CLASP1: variants seen among roughly 807,000 people sequenced by gnomAD.
CLASP1 encodes cytoplasmic linker associated protein 1.
Under a neutral mutation model 192.3 loss-of-function variants are expected in CLASP1, and 38 were observed. That is an observed-to-expected ratio of 0.20 (90% CI 0.15 to 0.26). CLASP1 has a LOEUF of 0.26. Ranked by LOEUF, CLASP1 falls within the 10% of genes least tolerant of loss-of-function variation. The pLI is 1.00. For synonymous variants in CLASP1, 691 were observed against 712.8 expected (o/e 0.97, Z 0.49); for missense variants, 1,433 against 1,932.5 (o/e 0.74, Z 4.85).
At chr2:121,457,107 G>A (rs1401707818) in intron 14 of CLASP1, among the ~76,000 whole-genome samples, 1 of 152,132 alleles carries the variant, frequency 6.6e-6, no homozygotes, top group African/African-American at 2.4e-5. Context: ...ATATAAGATA[G>A]GGACTTGGGA....
intron 34 of CLASP1, among the ~76,000 whole-genome samples, chr2:121,372,259 G>C (rs556141496): frequency 7.2e-5 from 11 of 152,254 alleles, no homozygotes; most frequent in African/African-American, 2.6e-4. Flanking sequence ...TGTCCTTCCT[G>C]AAATAGTCTC....
At chr2:121,525,671 T>C (rs1334911613) in intron 6 of CLASP1, among the ~76,000 whole-genome samples, 174 bp downstream of exon 6, 1 of 152,202 alleles carries the variant, frequency 6.6e-6, no homozygotes, top group Non-Finnish European at 1.5e-5. Context: ...AAACTTATTT[T>C]ATACATTTGA....
chr2:121,598,361 T>A (rs1456407339), intron 2 of CLASP1, among the ~76,000 whole-genome samples: 1 of 152,204 alleles, frequency 6.6e-6, no homozygotes, highest in Non-Finnish European at 1.5e-5. Flanking sequence ...AGAGGCAAGT[T>A]TTTCTGAAAT....
At chr2:121,417,027 G>A (rs1181496614) in intron 23 of CLASP1, among the ~76,000 whole-genome samples, 1 of 152,170 alleles carries the variant, frequency 6.6e-6, no homozygotes, top group Non-Finnish European at 1.5e-5. Flanking sequence ...CTTAACTATT[G>A]CCCTGACCAC....
At chr2:121,401,979 G>T (rs1291866298) in intron 26 of CLASP1, 109 bp from the exon 28 acceptor site, 2 of 491,616 alleles carry the variant, frequency 4.1e-6, no homozygotes, top group Non-Finnish European at 8.0e-6. Context: ...ACCTGAAAAG[G>T]CTACAAACCA....
At chr2:121,530,353 T>C (rs2094738277) in intron 2 of CLASP1, 28 bp from the exon 3 acceptor site, 1 of 1,532,806 alleles carries the variant, frequency 6.5e-7, no homozygotes, top group East Asian at 2.5e-5. Flanking sequence ...GGGAGCCTGT[T>C]AGCAGCCGGC....
chr2:121,401,447 G>A (rs2076144882), intron 28 of CLASP1, 62 bp downstream of exon 29: 4 of 1,352,934 alleles, frequency 3.0e-6, no homozygotes, highest in African/African-American at 2.9e-5. Context: ...AAAAGAGAAT[G>A]GCAAAAAGTC....
At chr2:121,364,922 A>G (rs1195376800) in intron 36 of CLASP1, 172 bp downstream of exon 37, 3 of 673,302 alleles carry the variant, frequency 4.5e-6, no homozygotes, top group Non-Finnish European at 7.8e-6. Flanking sequence ...TGATAAAAAC[A>G]TGACCTTACT....
At chr2:121,457,374 A>C (rs2086890471) in intron 14 of CLASP1, among the ~76,000 whole-genome samples, 1 of 152,176 alleles carries the variant, frequency 6.6e-6, no homozygotes, top group East Asian at 1.9e-4. Flanking sequence ...TAGGAGGATT[A>C]TCACAGGAAA....
chr2:121,605,878 C>T (rs1339398854), exon 2 of CLASP1: 1 of 1,613,910 alleles, frequency 6.2e-7, no homozygotes, highest in Non-Finnish European at 8.5e-7. Flanking sequence ...CCAGGCAGGA[C>T]TCCATGCGAG....
At chr2:121,396,622 G>A (rs1215342797) in intron 30 of CLASP1, among the ~76,000 whole-genome samples, 1 of 152,198 alleles carries the variant, frequency 6.6e-6, no homozygotes, top group Non-Finnish European at 1.5e-5. Context: ...TGCAAATATA[G>A]AATAAGTTTC....
chr2:121,592,875 T>A lies in CLASP1; in HGVS notation c.195+12826A>T, dbSNP rs370616835. 7.9e-5 allele frequency among the ~76,000 whole-genome samples: 12 copies of A among 152,206 alleles called. 1 individual carries two copies. Among genetic ancestry groups the A allele is most frequent in the African/African-American group, 1.4e-4 (6 of 41,568 alleles). On this transcript the variant is annotated intron_variant, in intron 2 of 39. Coordinates refer to ENST00000263710, the Ensembl canonical transcript of CLASP1. Reference sequence around the variant, plus strand: ...CACCGTGCTAGCCAGGATGGTCTCCTGACCTCGTGATCCGCCCACCTCGGC... The same window carrying A: ...CACCGTGCTAGCCAGGATGGTCTCCAGACCTCGTGATCCGCCCACCTCGGC...
intron 2 of CLASP1, among the ~76,000 whole-genome samples, chr2:121,536,377 T>TG (rs1258214258): frequency 4.4e-3 from 276 of 62,070 alleles, no homozygotes; most frequent in Middle Eastern, 0.031. Flanking sequence ...CAAGACTGTC[T>TG]GAAAAAAAAA....
At chr2:121,476,607 A>T (rs1011265298) in intron 8 of CLASP1, among the ~76,000 whole-genome samples, 1 of 152,194 alleles carries the variant, frequency 6.6e-6, no homozygotes, top group African/African-American at 2.4e-5. Context: ...CCTAAACTAC[A>T]AAGCTTTTCC....
At chr2:121,384,438 T>G (rs552449156) in intron 32 of CLASP1, among the ~76,000 whole-genome samples, 1 of 152,140 alleles carries the variant, frequency 6.6e-6, no homozygotes, top group Non-Finnish European at 1.5e-5. Flanking sequence ...TCCTCCCACG[T>G]TGGCCTCCCA....
chr2:121,523,890 A>G (rs1048691326), intron 6 of CLASP1, among the ~76,000 whole-genome samples: 2 of 152,210 alleles, frequency 1.3e-5, no homozygotes, highest in East Asian at 3.8e-4. Context: ...ATATATGTGG[A>G]AGAAAAAGAG....
At chr2:121,397,417 C>G in intron 29 of CLASP1, 134 bp from the exon 31 acceptor site, 2 of 726,810 alleles carry the variant, frequency 2.8e-6, no homozygotes, top group Non-Finnish European at 2.2e-6. Flanking sequence ...ATAGTTTCCA[C>G]GTGGAGCGAC....
chr2:121,397,120 G>T lies in CLASP1; in HGVS notation c.3123+20C>A, dbSNP rs533637730. ...GCCCAGGAACAATCTGTAATTACAC[G>T]TCGGTTCTCTTGGACATACCTTTCT... On this transcript the variant is annotated intron_variant, in intron 30 of 39. Coordinates refer to ENST00000263710, the Ensembl canonical transcript of CLASP1. 2 of 1,611,816 alleles carry T rather than the reference G, an allele frequency of 1.2e-6. No individual in the cohort carries two copies. Among genetic ancestry groups the T allele is most frequent in the African/African-American group, 2.7e-5 (2 of 74,846 alleles).
At chr2:121,337,821 T>A (rs1429811469) in exon 40 of CLASP1, 1 of 129,918 alleles carries the variant, frequency 7.7e-6, no homozygotes, top group Non-Finnish European at 1.5e-5. Flanking sequence ...AAAGGGTTTT[T>A]TTTTTTTCTT....
Sources: allele counts gnomAD v4.1 joint callset (sites outside exome capture counted in the v4.1 genomes callset), GRCh38; gene constraint gnomAD v4.1.1; transcripts MANE v1.5; gene names NCBI Gene and HGNC (gene_info 2026-07-23, HGNC 2026-07-21).